RASAL2: variants seen among roughly 807,000 people sequenced by gnomAD.
RASAL2 encodes RAS protein activator like 2.
RASAL2 carries 58 observed loss-of-function variants against 128.9 expected under a neutral mutation model. The observed-to-expected ratio is 0.45, with a 90% CI of 0.36 to 0.56. RASAL2 has a LOEUF of 0.56. Ranked by LOEUF, RASAL2 falls within the 20% of genes least tolerant of loss-of-function variation. The pLI is 0.00. For synonymous variants in RASAL2, 561 were observed against 580.8 expected (o/e 0.97, Z 0.49); for missense variants, 1,360 against 1,601.6 (o/e 0.85, Z 2.57).
At chr1:178,214,476 T>C (rs1663359056) in intron 1 of RASAL2, among the ~76,000 whole-genome samples, 1 of 152,170 alleles carries the variant, frequency 6.6e-6, no homozygotes. Flanking sequence ...CAAATACCTT[T>C]TGGGCAGTCA....
intron 4 of RASAL2, among the ~76,000 whole-genome samples, chr1:178,391,944 C>T (rs1672933061): frequency 6.6e-6 from 1 of 152,174 alleles, no homozygotes; most frequent in Non-Finnish European, 1.5e-5. Context: ...AGTGGACTCT[C>T]ACAAAGGACC....
At chr1:178,143,708 A>G (rs1660617680) in intron 1 of RASAL2, among the ~76,000 whole-genome samples, 1 of 151,754 alleles carries the variant, frequency 6.6e-6, no homozygotes, top group Admixed American at 6.6e-5. Flanking sequence ...GGGATTGGGA[A>G]GTGGGGGTGG....
intron 5 of RASAL2, among the ~76,000 whole-genome samples, chr1:178,431,018 G>GA (rs1675858825): frequency 6.6e-6 from 1 of 151,122 alleles, no homozygotes; most frequent in Non-Finnish European, 1.5e-5. Flanking sequence ...CTGCAATTTG[G>GA]AAAAATACAA....
At chr1:178,204,364 G>A (rs1317998854) in intron 1 of RASAL2, among the ~76,000 whole-genome samples, 1 of 152,084 alleles carries the variant, frequency 6.6e-6, no homozygotes, top group Non-Finnish European at 1.5e-5. Flanking sequence ...TAATATTGAT[G>A]GTTAATACAC....
chr1:178,378,383 G>A (rs1026230926), intron 3 of RASAL2, among the ~76,000 whole-genome samples: 18 of 151,810 alleles, frequency 1.2e-4, no homozygotes, highest in African/African-American at 4.4e-4. Context: ...GGACAGAAAT[G>A]GATAATTCTA....
intron 3 of RASAL2, among the ~76,000 whole-genome samples, chr1:178,322,946 C>T (rs1668863686): frequency 1.3e-5 from 2 of 152,300 alleles, no homozygotes; most frequent in African/African-American, 2.4e-5. Context: ...ATTCTCAATA[C>T]ACATGGGCTT....
At chr1:178,321,843 C>G (rs1163410722) in intron 3 of RASAL2, among the ~76,000 whole-genome samples, 1 of 151,662 alleles carries the variant, frequency 6.6e-6, no homozygotes, top group Non-Finnish European at 1.5e-5. Flanking sequence ...ACAAAATTAG[C>G]TGGGTGAGGT....
At chr1:178,183,883 A>C (rs1297940840) in intron 1 of RASAL2, among the ~76,000 whole-genome samples, 1 of 152,210 alleles carries the variant, frequency 6.6e-6, no homozygotes, top group East Asian at 1.9e-4. Flanking sequence ...TGAAATTGCC[A>C]AACTGTACTC....
chr1:178,250,920 T>A (rs564929661), intron 1 of RASAL2, among the ~76,000 whole-genome samples: 2 of 152,288 alleles, frequency 1.3e-5, no homozygotes, highest in South Asian at 4.1e-4. Context: ...GAGGCTTACA[T>A]GAGGATGTAA....
chr1:178,133,692 C>T (rs1186001136), intron 1 of RASAL2, among the ~76,000 whole-genome samples: 1 of 152,058 alleles, frequency 6.6e-6, no homozygotes, highest in African/African-American at 2.4e-5. Flanking sequence ...GAAAGCCTTT[C>T]CACAGGGCAA....
intron 3 of RASAL2, among the ~76,000 whole-genome samples, chr1:178,308,676 A>G (rs1668107584): frequency 6.6e-6 from 1 of 151,672 alleles, no homozygotes; most frequent in Non-Finnish European, 1.5e-5. Context: ...CTGCCAAGCA[A>G]CTGATACTAC....
At chr1:178,195,788 T>TA (rs930351773) in intron 1 of RASAL2, among the ~76,000 whole-genome samples, 6 of 152,012 alleles carry the variant, frequency 3.9e-5, no homozygotes, top group African/African-American at 1.4e-4. Context: ...GCATGACACT[T>TA]AAAAAAATAA....
At position 178,336,894 on chromosome 1, in the gene RASAL2, T is replaced by C. The variant is rs779953941; in HGVS notation, c.457+36776T>C. On this transcript the variant is annotated intron_variant, in intron 3 of 17. Coordinates refer to ENST00000367649, the MANE Select transcript of RASAL2 (RefSeq NM_170692.4). ...TGTTCTTTTAGTATAATCTTACTCA[T>C]ATGATGAAATAAAAGTAGGAAAGAT... Among the ~76,000 whole-genome samples, 96 of 152,176 alleles carry C rather than the reference T, an allele frequency of 6.3e-4. 1 individual carries two copies. Among genetic ancestry groups the C allele is most frequent in the Admixed American group, 5.9e-4 (9 of 15,278 alleles).
intron 2 of RASAL2, among the ~76,000 whole-genome samples, chr1:178,285,007 A>C (rs1164144508): frequency 1.4e-5 from 2 of 147,766 alleles, no homozygotes; most frequent in Non-Finnish European, 3.0e-5. Flanking sequence ...TCTCTTACCT[A>C]TCCCTTCTCT....
At position 178,473,688 on chromosome 1, in the gene RASAL2, G is replaced by T; in HGVS notation, c.*449G>T. The T allele has an allele frequency of 6.2e-6, 1 of 161,564 alleles. No homozygotes were observed. Among genetic ancestry groups the T allele is most frequent in the Non-Finnish European group, 1.3e-5 (1 of 74,240 alleles). The allele number at this position is 161,564 out of a possible 1,614,324, so 10.0% of individuals were successfully genotyped here. A position where few individuals can be genotyped will look rare whatever the true frequency, so the allele number is the denominator to read the frequency against. ...TGATAGAAGCACATGGAGTGCAATA[G>T]GACATTGTGAGAAGGAATTTTTCAG... On this transcript the variant is annotated 3_prime_UTR_variant, in exon 18 of 18. Coordinates refer to ENST00000367649, the MANE Select transcript of RASAL2 (RefSeq NM_170692.4).
intron 1 of RASAL2, among the ~76,000 whole-genome samples, chr1:178,109,384 A>G (rs1659214719): frequency 6.6e-6 from 1 of 152,146 alleles, no homozygotes; most frequent in South Asian, 2.1e-4. Flanking sequence ...TTATAGGTGC[A>G]TGCTTCTCTA....
chr1:178,451,436 A>G, intron 9 of RASAL2, 135 bp from the exon 10 acceptor site: 2 of 911,124 alleles, frequency 2.2e-6, no homozygotes, highest in South Asian at 2.3e-5. Context: ...TTCATGGGCC[A>G]TCTTTTGTGC....
At chr1:178,422,966 C>T (rs1046224592) in intron 5 of RASAL2, among the ~76,000 whole-genome samples, 4 of 152,042 alleles carry the variant, frequency 2.6e-5, no homozygotes, top group African/African-American at 9.7e-5. Context: ...ACATAAATAA[C>T]CTTATTAACC....
intron 1 of RASAL2, among the ~76,000 whole-genome samples, chr1:178,140,841 A>G (rs113224015): frequency 6.6e-6 from 1 of 152,344 alleles, no homozygotes; most frequent in African/African-American, 2.4e-5. Flanking sequence ...TAATTTTTGC[A>G]TTGCTATAAA....
Sources: allele counts gnomAD v4.1 joint callset (sites outside exome capture counted in the v4.1 genomes callset), GRCh38; gene constraint gnomAD v4.1.1; transcripts MANE v1.5; gene names NCBI Gene and HGNC (gene_info 2026-07-23, HGNC 2026-07-21).